The following MCPH1 variants were observed in gnomAD, a reference collection of about 807,000 sequenced individuals.
MCPH1 encodes the protein microcephalin 1.
MCPH1 carries 104 observed loss-of-function variants against 84.5 expected under a neutral mutation model. That is an observed-to-expected ratio of 1.23 (90% CI 1.05 to 1.45). MCPH1 has a LOEUF of 1.45. Among genes scored for constraint, MCPH1 ranks in the 40% most tolerant of loss-of-function variants. The pLI, the probability that MCPH1 is intolerant of heterozygous loss-of-function variation, is 0.00. For missense variants in MCPH1, 1,498 were observed against 1,005.7 expected, an observed-to-expected ratio of 1.49 and a Z score of -6.62; for synonymous variants, 514 against 366.8, an observed-to-expected ratio of 1.40 and a Z score of -4.58.
chr8:6,551,240 CTTCT>C (rs2129574919), intron 12 of MCPH1, among the ~76,000 whole-genome samples: 1 of 150,838 alleles, frequency 6.6e-6, no homozygotes, highest in East Asian at 1.9e-4. Flanking sequence ...TTTTTTTTTT[CTTCT>C]TTCTCATGCA....
chr8:6,489,322 G>C (rs1403930812), intron 11 of MCPH1, among the ~76,000 whole-genome samples: 1 of 151,952 alleles, frequency 6.6e-6, no homozygotes, highest in African/African-American at 2.4e-5. Flanking sequence ...GAAGGGGGAG[G>C]CAGGGGGACC....
chr8:6,634,297 G>T (rs1015871926), intron 13 of MCPH1, among the ~76,000 whole-genome samples: 1 of 152,220 alleles, frequency 6.6e-6, no homozygotes, highest in Non-Finnish European at 1.5e-5. Context: ...AAGTTTTAAA[G>T]CATCTGCAGA....
intron 13 of MCPH1, among the ~76,000 whole-genome samples, chr8:6,623,291 T>G (rs1831669025): frequency 1.3e-5 from 2 of 152,112 alleles, no homozygotes; most frequent in Non-Finnish European, 2.9e-5. Context: ...ATCACTCTAG[T>G]TTCAGCCCCT....
chr8:6,551,186 A>G (rs1171068679), intron 12 of MCPH1, among the ~76,000 whole-genome samples: 1 of 152,150 alleles, frequency 6.6e-6, no homozygotes, highest in East Asian at 1.9e-4. Context: ...TGAGCTGGAT[A>G]GAGAAAGGGT....
chr8:6,603,018 C>G (rs1044489065), intron 12 of MCPH1, among the ~76,000 whole-genome samples: 1 of 151,940 alleles, frequency 6.6e-6, no homozygotes, highest in Non-Finnish European at 1.5e-5. Flanking sequence ...ACTATAAACC[C>G]AGGGCATCAG....
At chr8:6,580,911 G>T (rs1251201427) in intron 12 of MCPH1, among the ~76,000 whole-genome samples, 4 of 152,142 alleles carry the variant, frequency 2.6e-5, no homozygotes, top group African/African-American at 7.2e-5. Context: ...ACATCCGCAG[G>T]TTCTGCATCT....
chr8:6,574,115 A>G (rs572723047), intron 12 of MCPH1, among the ~76,000 whole-genome samples: 1 of 152,348 alleles, frequency 6.6e-6, no homozygotes, highest in South Asian at 2.1e-4. Context: ...GTAAAAACAG[A>G]CCAGCCAAAA....
chr8:6,469,829 T>G (rs151235011), intron 9 of MCPH1, among the ~76,000 whole-genome samples: 1 of 152,122 alleles, frequency 6.6e-6, no homozygotes, highest in South Asian at 2.1e-4. Flanking sequence ...AATACTCTTT[T>G]TCTCTCTCTC....
At chr8:6,577,461 A>G (rs1827214783) in intron 12 of MCPH1, among the ~76,000 whole-genome samples, 1 of 152,270 alleles carries the variant, frequency 6.6e-6, no homozygotes, top group Non-Finnish European at 1.5e-5. Flanking sequence ...ATGGCTGTCT[A>G]GTAAACACAC....
At chr8:6,455,093 A>G (rs1244232058) in intron 8 of MCPH1, 50 bp from the exon 9 acceptor site, 3 of 1,395,628 alleles carry the variant, frequency 2.1e-6, no homozygotes, top group Non-Finnish European at 3.1e-6. Context: ...CTTAAGTTGT[A>G]TTTGGTCCAT....
chr8:6,524,197 C>A (rs1437190771), intron 12 of MCPH1, among the ~76,000 whole-genome samples: 1 of 152,134 alleles, frequency 6.6e-6, no homozygotes, highest in Non-Finnish European at 1.5e-5. Flanking sequence ...ACCTCATATT[C>A]CCTTTTTTGA....
chr8:6,545,517 T>G (rs1822427065), intron 12 of MCPH1, among the ~76,000 whole-genome samples: 1 of 152,214 alleles, frequency 6.6e-6, no homozygotes, highest in African/African-American at 2.4e-5. Flanking sequence ...GGAAAAGTAA[T>G]TTTAAAGTAA....
At chr8:6,555,087 G>C (rs3020229) in intron 12 of MCPH1, among the ~76,000 whole-genome samples, 1 of 151,838 alleles carries the variant, frequency 6.6e-6, no homozygotes, top group Non-Finnish European at 1.5e-5. Context: ...GTTCATACTG[G>C]TATTCTAAAC....
chr8:6,530,508 CAA>C (rs55729820), intron 12 of MCPH1, among the ~76,000 whole-genome samples: 18,367 of 97,788 alleles, frequency 0.19, 1,003 homozygotes, highest in Admixed American at 0.26. Flanking sequence ...GACTCTGTCT[CAA>C]AAAAAAAAAA....
intron 11 of MCPH1, among the ~76,000 whole-genome samples, chr8:6,487,562 G>C (rs1419079821): frequency 6.6e-6 from 1 of 152,174 alleles, no homozygotes; most frequent in Non-Finnish European, 1.5e-5. Context: ...TTAACTTTCA[G>C]TTGGCAGATT....
chr8:6,580,195 G>A (rs905485571), intron 12 of MCPH1, among the ~76,000 whole-genome samples: 2 of 152,138 alleles, frequency 1.3e-5, no homozygotes, highest in South Asian at 2.1e-4. Context: ...AGCATATGAC[G>A]GCCTCAGACC....
chr8:6,478,921 A>G (rs1808823992), intron 10 of MCPH1, among the ~76,000 whole-genome samples: 2 of 152,186 alleles, frequency 1.3e-5, no homozygotes, highest in African/African-American at 2.4e-5. Context: ...CTTTCATTTT[A>G]CAGATAAAGA....
intron 12 of MCPH1, among the ~76,000 whole-genome samples, chr8:6,562,183 C>T (rs918891836): frequency 4.6e-5 from 7 of 152,154 alleles, no homozygotes. Flanking sequence ...CACTTTACTC[C>T]ATCCGTTATG....
chr8:6,632,670 G>A (rs936221875), intron 13 of MCPH1, among the ~76,000 whole-genome samples: 20 of 152,152 alleles, frequency 1.3e-4, no homozygotes, highest in East Asian at 5.8e-4. Context: ...TTAGCCGGCC[G>A]TGGTGGCACG....
Sources: allele counts gnomAD v4.1 joint callset (sites outside exome capture counted in the v4.1 genomes callset), GRCh38; gene constraint gnomAD v4.1.1; transcripts MANE v1.5; gene names NCBI Gene and HGNC (gene_info 2026-07-23, HGNC 2026-07-21).